The following TTN variants were observed in gnomAD, a reference collection of about 807,000 sequenced individuals.
TTN encodes the protein connectin.
A neutral mutation model predicts 3,223.0 loss-of-function variants in TTN; 1,525 were observed. The observed-to-expected ratio is 0.47, with a 90% CI of 0.45 to 0.49. TTN has a LOEUF of 0.49. Ranked by LOEUF, TTN falls within the 20% of genes least tolerant of loss-of-function variation. The pLI is 0.00. For missense variants in TTN, 40,786 were observed against 43,424.0 expected, an observed-to-expected ratio of 0.94 and a Z score of 5.40; for synonymous variants, 14,094 against 15,161.0, an observed-to-expected ratio of 0.93 and a Z score of 5.17.
intron 151 of TTN, 88 bp downstream of exon 151, chr2:178,674,226 A>C: frequency 1.3e-6 from 1 of 769,292 alleles, no homozygotes; most frequent in Non-Finnish European, 2.2e-6. Context: ...ATATAAGAAA[A>C]GCATACTGGT....
In TTN at chr2:178,712,923, G is replaced by A; in HGVS notation, c.27102C>T (p.Thr9034=). 1 of 1,613,086 alleles carries A rather than the reference G, an allele frequency of 6.2e-7. No homozygotes were observed. The highest frequency in any genetic ancestry group is 8.5e-7 in the Non-Finnish European group (1 of 1,179,470). Residue 9034 remains threonine, a synonymous_variant, in exon 94 of 363, where the codon ACC becomes ACT. Coordinates refer to ENST00000589042, the MANE Select transcript of TTN (RefSeq NM_001267550.2). ...KPDPMDVLTG[T]NVTFTSIVKG... ...TTACGATACTTGTGAAAGTTACATTGGTCCCAGTTAAAACATCCATGGGAT... is the reference window on the plus strand; with the variant it reads ...TTACGATACTTGTGAAAGTTACATTAGTCCCAGTTAAAACATCCATGGGAT...
chr2:178,710,014 T>A (rs2076427687), intron 98 of TTN, among the ~76,000 whole-genome samples, 158 bp from the exon 99 acceptor site: 1 of 152,242 alleles, frequency 6.6e-6, no homozygotes, highest in Non-Finnish European at 1.5e-5. Context: ...TTCAGCCTCC[T>A]TCTACGAGCT....
chr2:178,751,596 GC>G, intron 47 of TTN: 1 of 1,613,040 alleles, frequency 6.2e-7, no homozygotes, highest in African/African-American at 1.3e-5. Flanking sequence ...TTCTCATCTT[GC>G]CCTTTTTGGA....
At chr2:178,665,524 G>T in intron 164 of TTN, 64 bp from the exon 165 acceptor site, 1 of 1,541,288 alleles carries the variant, frequency 6.5e-7, no homozygotes, top group Non-Finnish European at 8.9e-7. Flanking sequence ...AATTAAATGA[G>T]CTGAACCAAA....
At chr2:178,596,114 C>A (rs1373371374) in intron 294 of TTN, among the ~76,000 whole-genome samples, 1 of 151,696 alleles carries the variant, frequency 6.6e-6, no homozygotes, top group East Asian at 2.0e-4. Flanking sequence ...CCTCAGCCTC[C>A]CAAGTAGCTG....
Position 178,536,593 on chromosome 2 carries a change from G to T in TTN, c.100172-18C>A. ...TGGCTTTTCTATTAAACAAAAAAAA[G>T]ATTTGAGTCATGAGATGAAACAGGC... On this transcript the variant is annotated intron_variant, in intron 356 of 362. Coordinates refer to ENST00000589042, the MANE Select transcript of TTN (RefSeq NM_001267550.2). The T allele has an allele frequency of 1.4e-6, 2 of 1,476,280 alleles. No individual in the cohort carries two copies. Among genetic ancestry groups the T allele is most frequent in the Middle Eastern group, 1.8e-4 (1 of 5,500 alleles). 91.4% of individuals were successfully genotyped at this position (1,476,280 alleles called of 1,614,324 possible). A position where few individuals can be genotyped will look rare whatever the true frequency, so the allele number is the denominator to read the frequency against.
At chr2:178,753,336 T>C in intron 46 of TTN, 156 bp from the exon 47 acceptor site, 1 of 581,120 alleles carries the variant, frequency 1.7e-6, no homozygotes, top group South Asian at 2.3e-5. Flanking sequence ...AACAAACTAT[T>C]GAGCTGATAA....
At chr2:178,633,382 A>G (rs774245074) in intron 232 of TTN, 31 bp downstream of exon 232, 2 of 1,613,124 alleles carry the variant, frequency 1.2e-6, no homozygotes, top group Non-Finnish European at 1.7e-6. Context: ...AGATTCAGAT[A>G]GGGTAAATTT....
At position 178,636,051 on chromosome 2, in the gene TTN, G is replaced by A. The variant is rs2154230235; in HGVS notation, c.41520C>T (p.Asn13840=). 8 of 1,613,224 alleles carry A rather than the reference G, an allele frequency of 5.0e-6. No individual in the cohort carries two copies. The highest frequency in any genetic ancestry group is 1.7e-4 in the Middle Eastern group (1 of 6,056). Residue 13840 remains asparagine, a synonymous_variant, in exon 226 of 363, where the codon AAC becomes AAT. Coordinates refer to ENST00000589042, the MANE Select transcript of TTN (RefSeq NM_001267550.2). The surrounding 1 kb of genome is among the most constrained non-coding windows in gnomAD (Gnocchi z 4.3). ...VIGLMRALTI[N]DADDTDAGTY... is the part of the protein sequence containing the mutation. ...TTCCAGCATCTGTGTCATCTGCATC[G>A]TTGATGGTCAGAGCCCGCATCAAGC...
Position 178,599,011 on chromosome 2 carries a change from G to C in TTN, c.56699C>G (p.Ser18900Cys), listed in dbSNP as rs1256105535. 3 of 1,602,492 alleles carry C rather than the reference G, an allele frequency of 1.9e-6. No homozygotes were observed. Among genetic ancestry groups the C allele is most frequent in the Non-Finnish European group, 2.6e-6 (3 of 1,173,496 alleles). ...TGGCTCTTCCCAGTTGACAGTCATG[G>C]AGTTACGAGTCACGCTGCTAACTGT... ...KPTVSSVTRN[S>C]MTVNWEEPEY... is the part of the protein sequence containing the mutation. Residue 18900 changes from serine to cysteine, a missense_variant, in exon 291 of 363, where the codon TCC (serine) becomes TGC (cysteine). Ser to Cys is a moderately radical substitution (Grantham distance 112, BLOSUM62 -1). Coordinates refer to ENST00000589042, the MANE Select transcript of TTN (RefSeq NM_001267550.2).
At chr2:178,706,835 G>A in intron 101 of TTN, 27 bp downstream of exon 101, 1 of 1,608,570 alleles carries the variant, frequency 6.2e-7, no homozygotes, top group Non-Finnish European at 8.5e-7. Context: ...GATAGATGAA[G>A]ATGTACTTCT....
Position 178,548,197 on chromosome 2 carries a change from G to T in TTN, c.93429C>A (p.Ser31143Arg). The part of the protein sequence containing the change: ...AWLKPDHDGG[S>R]RITGYLLEMR... The stretch of plus-strand genomic sequence containing the variant: ...TTTCAAGCAGGTAGCCAGTGATCCG[G>T]CTGCCTCCATCGTGGTCAGGTTTAA... The change falls in exon 339 of 363, where the codon AGC becomes AGA. Residue 31143 changes from serine to arginine, a missense_variant. Coordinates refer to ENST00000589042, the MANE Select transcript of TTN (RefSeq NM_001267550.2). The surrounding 1 kb of genome is among the most constrained non-coding windows in gnomAD (Gnocchi z 4.3). 7.4e-6 allele frequency: 12 copies of T among 1,613,806 alleles called. No individual in the cohort carries two copies. Among genetic ancestry groups the T allele is most frequent in the Non-Finnish European group, 1.0e-5 (12 of 1,179,790 alleles).
rs372018605 is a variant in TTN at position 178,556,431 on chromosome 2, A to AAAACAAAC, written c.88306+409_88306+416dup. The AAAACAAAC allele has an allele frequency of 1.6e-3, 347 of 215,356 alleles. 2 individuals are homozygous for AAAACAAAC. Among genetic ancestry groups the AAAACAAAC allele is most frequent in the East Asian group, 0.011 (68 of 5,982 alleles). The allele number at this position is 215,356 out of a possible 1,614,324, so 13.3% of individuals were successfully genotyped here. On this transcript the variant is annotated intron_variant, in intron 330 of 362. Transcript: ENST00000589042. Reference sequence around the variant, plus strand: ...GGGCGACAGAGTGAGACTCTGTCTCAAAACAAACAAACAAACAAACAAACA... The same window carrying AAAACAAAC: ...GGGCGACAGAGTGAGACTCTGTCTCAAAACAAACAAACAAACAAACAAACAAACAAACA...
In TTN at chr2:178,621,759, A is replaced by C. The variant is rs2154212232; in HGVS notation, c.45083-18T>G. ...TTCTTCTTCTGCAAGCATTGAAAAAACAAAAACCACATTGAGTTAAGCTGG... is the reference window on the plus strand; with the variant it reads ...TTCTTCTTCTGCAAGCATTGAAAAACCAAAAACCACATTGAGTTAAGCTGG... On this transcript the variant is annotated intron_variant, in intron 244 of 362. Transcript: ENST00000589042. 9.3e-6 allele frequency: 15 copies of C among 1,608,916 alleles called. No homozygotes were observed. Among genetic ancestry groups the C allele is most frequent in the Non-Finnish European group, 1.3e-5 (15 of 1,178,046 alleles).
At chr2:178,696,987 A>G (rs1340517116) in intron 113 of TTN, 134 bp downstream of exon 113, 13 of 743,922 alleles carry the variant, frequency 1.7e-5, no homozygotes, top group Non-Finnish European at 2.8e-5. Context: ...ATCATTTCTA[A>G]TGCTAAATTT....
rs561354716 is a variant in TTN, at chr2:178,721,124, A to G, written c.22895T>C (p.Ile7632Thr). Reference sequence around the variant, plus strand: ...AACTTTGATTTCTGGGGAGCCACTTATTTTACATTCCAGTTGAATGGATTC... The same window carrying G: ...AACTTTGATTTCTGGGGAGCCACTTGTTTTACATTCCAGTTGAATGGATTC... ...QGESIQLECKISGSPEIKVSW... is the reference protein window; with the variant it reads ...QGESIQLECKTSGSPEIKVSW... The change falls in exon 79 of 363, where the codon ATA (isoleucine) becomes ACA (threonine). Residue 7632 changes from isoleucine to threonine, a missense_variant. Coordinates refer to ENST00000589042, the MANE Select transcript of TTN (RefSeq NM_001267550.2). 5 of 1,613,222 alleles carry G rather than the reference A, an allele frequency of 3.1e-6. No homozygotes were observed. The African/African-American group carries it at 6.7e-5, about 22-fold the overall frequency.
Position 178,735,836 on chromosome 2 carries a change from G to A in TTN, c.14610C>T (p.Ser4870=), listed in dbSNP as rs2742348. 1 allele frequency: 1,608,649 copies of A among 1,613,776 alleles called. 801,899 individuals are homozygous for A. Among genetic ancestry groups the A allele is most frequent in the East Asian group, 1 (44,825 of 44,826 alleles). ...GGCAGATGTCTGCTCCAAACTTGTT[G>A]GAAGCCTTACAAGAATAAACTCCTC... ...QDRGVYSCKA[S]NKFGADICQA... is the part of the protein sequence containing the mutation. Residue 4870 remains serine, a synonymous_variant, in exon 50 of 363, where the codon TCC becomes TCT. Transcript: ENST00000589042.
Position 178,621,863 on chromosome 2 carries a change from G to T in TTN, c.45059C>A (p.Thr15020Asn), listed in dbSNP as rs755201448. The change falls in exon 244 of 363, where the codon ACT (threonine) becomes AAT (asparagine). Residue 15020 changes from threonine (T) to asparagine (N), a missense_variant. Thr to Asn is a moderately conservative substitution (Grantham distance 65). Coordinates refer to ENST00000589042, the MANE Select transcript of TTN (RefSeq NM_001267550.2). Reference protein sequence around the residue: ...EYSCEVRTARTSGMLTVLEEE... With the variant: ...EYSCEVRTARNSGMLTVLEEE... The stretch of plus-strand genomic sequence containing the variant: ...ACCCAGAACTGTCAGCATGCCAGAA[G>T]TTCTCGCTGTCCTTACTTCACAGGA... The T allele has an allele frequency of 2.5e-5, 41 of 1,611,990 alleles. No homozygotes were observed. The South Asian group carries it at 4.1e-4, about 16-fold the overall frequency.
At position 178,770,595 on chromosome 2, in the gene TTN, G is replaced by A. The variant is rs1407570813; in HGVS notation, c.8197C>T (p.Pro2733Ser). 1 of 1,613,864 alleles carries A rather than the reference G, an allele frequency of 6.2e-7. No individual in the cohort carries two copies. Among genetic ancestry groups the A allele is most frequent in the African/African-American group, 1.3e-5 (1 of 74,872 alleles). Reference protein sequence around the residue: ...DAVFTVELTHPNVKGVQWIKN... With the variant: ...DAVFTVELTHSNVKGVQWIKN... ...ATCCACTGGACACCTTTGACATTAG[G>A]GTGTGTAAGCTCGACAGTGAAAACA... The change falls in exon 35 of 363, where the codon CCT (proline) becomes TCT (serine). Residue 2733 changes from proline (P) to serine (S), a missense_variant. By Grantham distance (74) the Pro-to-Ser change is moderately conservative. Transcript: ENST00000589042.
Sources: gnomAD v4.1 joint callset for allele counts (sites outside exome capture counted in the v4.1 genomes callset) on GRCh38, gnomAD v4.1.1 for gene constraint, Gnocchi (gnomAD v3.1) non-coding constraint, MANE v1.5 for transcripts, NCBI Gene and HGNC (gene_info 2026-07-23, HGNC 2026-07-21) for gene names.